PCSK5: variants seen among roughly 807,000 people sequenced by gnomAD.
PCSK5 encodes the protein prohormone convertase 5.
PCSK5 carries 129 observed loss-of-function variants against 233.2 expected under a neutral mutation model. The observed-to-expected ratio is 0.55, with a 90% CI of 0.48 to 0.64. PCSK5 has a LOEUF of 0.64. Among genes scored for constraint, PCSK5 ranks in the 30% least tolerant of loss-of-function variants. The probability of loss-of-function intolerance (pLI) is 0.00; values close to 1 mark genes in which losing one functional copy is unlikely to be tolerated. For synonymous variants in PCSK5, 825 were observed against 879.2 expected (o/e 0.94, Z 1.09); for missense variants, 2,076 against 2,430.1 (o/e 0.85, Z 3.06).
intron 6 of PCSK5, among the ~76,000 whole-genome samples, chr9:76,069,827 TAGAA>T (rs1218747831): frequency 6.6e-6 from 1 of 152,130 alleles, no homozygotes; most frequent in Admixed American, 6.5e-5. Context: ...TGCTTTTCAA[TAGAA>T]AGTAAGAGGA....
intron 3 of PCSK5, among the ~76,000 whole-genome samples, chr9:76,000,160 T>TAAAA (rs1827203459): frequency 6.6e-6 from 1 of 152,190 alleles, no homozygotes; most frequent in Non-Finnish European, 1.5e-5. Context: ...CCTCTCCATT[T>TAAAA]TTTTCTCCTT....
intron 2 of PCSK5, among the ~76,000 whole-genome samples, chr9:75,975,227 C>T (rs181100473): frequency 4.4e-4 from 67 of 152,190 alleles, no homozygotes; most frequent in African/African-American, 1.4e-3. Context: ...CAGTAGGAGC[C>T]GTGGAAATTT....
chr9:76,008,556 G>A (rs1248197422), intron 3 of PCSK5, among the ~76,000 whole-genome samples: 1 of 151,890 alleles, frequency 6.6e-6, no homozygotes, highest in Non-Finnish European at 1.5e-5. Context: ...CTGCCTCCCA[G>A]GTTCAAGTGA....
chr9:76,299,905 C>T (rs1430373903), intron 27 of PCSK5, among the ~76,000 whole-genome samples: 2 of 152,152 alleles, frequency 1.3e-5, no homozygotes, highest in African/African-American at 4.8e-5. Flanking sequence ...TGGTTTCCCC[C>T]GGTAGTGCTG....
At chr9:75,942,669 G>A (rs1824366431) in intron 2 of PCSK5, among the ~76,000 whole-genome samples, 1 of 152,018 alleles carries the variant, frequency 6.6e-6, no homozygotes, top group Non-Finnish European at 1.5e-5. Context: ...GACTGCCCTG[G>A]GAGACAGGCT....
chr9:76,004,052 C>A (rs190952614), intron 3 of PCSK5, among the ~76,000 whole-genome samples: 1 of 152,232 alleles, frequency 6.6e-6, no homozygotes, highest in Admixed American at 6.5e-5. Flanking sequence ...CCTGTTTTGG[C>A]CTCTCAAAGT....
At chr9:76,226,028 C>T (rs910457433) in intron 20 of PCSK5, among the ~76,000 whole-genome samples, 4 of 152,134 alleles carry the variant, frequency 2.6e-5, no homozygotes, top group African/African-American at 9.7e-5. Context: ...CTAGTCAGTC[C>T]TGAAGTAAGA....
At chr9:76,313,251 G>A (rs1828917525) in intron 30 of PCSK5, among the ~76,000 whole-genome samples, 1 of 152,094 alleles carries the variant, frequency 6.6e-6, no homozygotes, top group Non-Finnish European at 1.5e-5. Flanking sequence ...TTGTACAATT[G>A]AGTATTTTTT....
chr9:76,338,455 T>C lies in PCSK5; in HGVS notation c.4966+8T>C, dbSNP rs775557741. On this transcript the variant is annotated splice_region_variant and intron_variant, in intron 35 of 37. Transcript: ENST00000674117. ...CTTGTGATCAATGCAAAGGTGAGAGTCTACCTGTCATTTTGCATGAGTGCG... is the reference window on the plus strand; with the variant it reads ...CTTGTGATCAATGCAAAGGTGAGAGCCTACCTGTCATTTTGCATGAGTGCG... 3.1e-6 allele frequency: 5 copies of C among 1,588,416 alleles called. No individual in the cohort carries two copies. Among genetic ancestry groups the C allele is most frequent in the Non-Finnish European group, 3.5e-6 (4 of 1,158,028 alleles).
In PCSK5 at chr9:76,193,169, T is replaced by C. The variant is rs1824497112; in HGVS notation, c.2626+3423T>C. Reference sequence around the variant, plus strand: ...GCCTCTCTGGCCAATCACAACCTTCTTCCATGTGTGTACATCATGCTGCTC... The same window carrying C: ...GCCTCTCTGGCCAATCACAACCTTCCTCCATGTGTGTACATCATGCTGCTC... On this transcript the variant is annotated intron_variant, in intron 20 of 37. Coordinates refer to ENST00000674117, the MANE Select transcript of PCSK5 (RefSeq NM_001372043.1). 7 of 1,396,996 alleles carry C rather than the reference T, an allele frequency of 5.0e-6. No homozygotes were observed. The East Asian group carries it at 9.6e-5, about 19-fold the overall frequency. 86.5% of individuals were successfully genotyped at this position (1,396,996 alleles called of 1,614,324 possible).
At chr9:76,313,300 C>A (rs995927617) in intron 30 of PCSK5, among the ~76,000 whole-genome samples, 4 of 152,150 alleles carry the variant, frequency 2.6e-5, no homozygotes, top group Non-Finnish European at 5.9e-5. Context: ...ACATACCATA[C>A]AAATCACCCC....
intron 5 of PCSK5, among the ~76,000 whole-genome samples, chr9:76,054,541 C>T (rs1242076689): frequency 6.6e-6 from 1 of 152,186 alleles, no homozygotes; most frequent in Admixed American, 6.5e-5. Flanking sequence ...AGTAGATTGA[C>T]CACTTGAGTT....
At chr9:76,270,262 T>C (rs1277390438) in intron 24 of PCSK5, among the ~76,000 whole-genome samples, 3 of 152,218 alleles carry the variant, frequency 2.0e-5, no homozygotes. Context: ...TGTCTTGGTT[T>C]TCCTTTTTTC....
intron 9 of PCSK5, among the ~76,000 whole-genome samples, chr9:76,117,989 A>AC (rs1292151241): frequency 3.3e-4 from 50 of 152,220 alleles, no homozygotes; most frequent in Admixed American, 1.4e-3. Context: ...TACAGGAGTG[A>AC]TCGTATTAGT....
At position 76,186,119 on chromosome 9, in the gene PCSK5, T is replaced by C. The variant is rs369992751; in HGVS notation, c.2282+1362T>C. Among the ~76,000 whole-genome samples, 6 of 152,298 alleles carry C rather than the reference T, an allele frequency of 3.9e-5. No homozygotes were observed. The East Asian group carries it at 5.8e-4, about 15-fold the overall frequency. On this transcript the variant is annotated intron_variant, in intron 17 of 37. Coordinates refer to ENST00000674117, the MANE Select transcript of PCSK5 (RefSeq NM_001372043.1). ...AATATTTTATTTCACCTAATATATC[T>C]AAAATATTATCATTTCAACAATATA...
chr9:76,293,163 CATCCA>C (rs140019211), intron 25 of PCSK5, among the ~76,000 whole-genome samples: 43,629 of 151,922 alleles, frequency 0.29, 6,463 homozygotes, highest in African/African-American at 0.33. Flanking sequence ...CTTTTCCCTC[CATCCA>C]TAGAATTGGA....
chr9:75,890,455 G>A (rs3814116), upstream of PCSK5, among the ~76,000 whole-genome samples: 67 of 152,250 alleles, frequency 4.4e-4, 1 homozygote, highest in East Asian at 0.012. Flanking sequence ...CACGATCTCG[G>A]AGCGCTCTTC....
chr9:76,074,148 C>T (rs753019431), intron 7 of PCSK5, among the ~76,000 whole-genome samples: 2 of 152,186 alleles, frequency 1.3e-5, no homozygotes, highest in Non-Finnish European at 1.5e-5. Flanking sequence ...CTACATGTTT[C>T]CATACTCTTG....
intron 2 of PCSK5, among the ~76,000 whole-genome samples, chr9:75,941,591 T>C (rs1824307641): frequency 6.6e-6 from 1 of 152,136 alleles, no homozygotes; most frequent in African/African-American, 2.4e-5. Context: ...TTTTGCCATG[T>C]TTTCACCAGC....
Sources: allele counts gnomAD v4.1 joint callset (sites outside exome capture counted in the v4.1 genomes callset), GRCh38; gene constraint gnomAD v4.1.1; transcripts MANE v1.5; gene names NCBI Gene and HGNC (gene_info 2026-07-23, HGNC 2026-07-21).